Variants in DCAF8L2 observed in about 807,000 individuals in gnomAD.
DCAF8L2 encodes DDB1- and CUL4-associated factor 8-like protein 2.
For synonymous variants in DCAF8L2, 200 were observed against 190.9 expected, an observed-to-expected ratio of 1.05 and a Z score of -0.39; for missense variants, 430 against 490.7, an observed-to-expected ratio of 0.88 and a Z score of 1.17.
At chrX:27,682,780 G>GA (rs11329822) in intron 3 of DCAF8L2, among the ~76,000 whole-genome samples, 26 of 106,143 alleles carry the variant, frequency 2.4e-4, no homozygotes, top group South Asian at 8.1e-4. Flanking sequence ...TATTTCTCAA[G>GA]AAAAAAAAAA....
At chrX:27,676,247 C>T (rs1392121748) in intron 2 of DCAF8L2, among the ~76,000 whole-genome samples, 1 of 110,977 alleles carries the variant, frequency 9.0e-6, no homozygotes, top group Admixed American at 9.7e-5. Flanking sequence ...GCAGGGAAAT[C>T]CAAATATTTC....
the DCAF8L2 span, among the ~76,000 whole-genome samples, chrX:27,513,698 A>T: frequency 3.2e-5 from 3 of 94,808 alleles, no homozygotes; most frequent in East Asian, 1.1e-3. Context: ...AGCAAGACTC[A>T]GTCTCAAAAA....
chrX:27,587,540 T>C (rs1459163655), upstream of DCAF8L2, among the ~76,000 whole-genome samples: 1 of 111,811 alleles, frequency 8.9e-6, no homozygotes, highest in Non-Finnish European at 1.9e-5. Flanking sequence ...TGAAATGTTA[T>C]AGTTAAAATG....
the DCAF8L2 span, among the ~76,000 whole-genome samples, chrX:27,499,643 G>A: frequency 1.8e-5 from 2 of 111,246 alleles, no homozygotes; most frequent in African/African-American, 6.5e-5. Flanking sequence ...GGAAGCAAGC[G>A]CCTTCTTCAC....
intron 4 of DCAF8L2, among the ~76,000 whole-genome samples, chrX:27,719,066 G>C (rs955240556): frequency 3.6e-5 from 4 of 111,036 alleles, no homozygotes; most frequent in Non-Finnish European, 5.7e-5. Context: ...ATTTATCTTG[G>C]GCAAACATCT....
At chrX:27,608,675 T>C (rs1569158598) in intron 1 of DCAF8L2, among the ~76,000 whole-genome samples, 1 of 110,546 alleles carries the variant, frequency 9.0e-6, no homozygotes, top group Non-Finnish European at 1.9e-5. Flanking sequence ...CTCTATCTTC[T>C]TCAGTCTTAT....
At chrX:27,527,917 G>T in the DCAF8L2 span, among the ~76,000 whole-genome samples, 1 of 105,345 alleles carries the variant, frequency 9.5e-6, no homozygotes, top group Non-Finnish European at 2.0e-5. Context: ...CTCCCAAAGT[G>T]CTGGGATTAC....
At chrX:27,676,060 AAG>A (rs1341434782) in intron 2 of DCAF8L2, among the ~76,000 whole-genome samples, 1 of 111,849 alleles carries the variant, frequency 8.9e-6, no homozygotes, top group Non-Finnish European at 1.9e-5. Flanking sequence ...GCCAACATGA[AAG>A]AGAGTCACAG....
the DCAF8L2 span, among the ~76,000 whole-genome samples, chrX:27,510,179 C>A: frequency 9.1e-6 from 1 of 109,547 alleles, no homozygotes; most frequent in African/African-American, 3.4e-5. Context: ...AAAATATGCT[C>A]TAGGCTTTTC....
At chrX:27,730,781 C>G (rs1294816416) in intron 4 of DCAF8L2, among the ~76,000 whole-genome samples, 1 of 109,262 alleles carries the variant, frequency 9.2e-6, no homozygotes, top group Non-Finnish European at 1.9e-5. Context: ...AGCTGTGAAA[C>G]AGATCACAAC....
chrX:27,577,091 T>C, the DCAF8L2 span, among the ~76,000 whole-genome samples: 1 of 112,073 alleles, frequency 8.9e-6, no homozygotes, highest in Non-Finnish European at 1.9e-5. Context: ...TCCCAGGATA[T>C]TTCAGGGTAA....
At chrX:27,566,775 G>A in the DCAF8L2 span, among the ~76,000 whole-genome samples, 2 of 109,740 alleles carry the variant, frequency 1.8e-5, no homozygotes, top group Non-Finnish European at 3.8e-5. Context: ...TTGGACTTAG[G>A]TTGTTTTTCT....
chrX:27,747,462 C>T lies in DCAF8L2; in HGVS notation c.567C>T (p.Val189=), dbSNP rs751230668. 1 of 1,175,382 alleles carries T rather than the reference C, an allele frequency of 8.5e-7. No individual in the cohort carries two copies. Among genetic ancestry groups the T allele is most frequent in the Non-Finnish European group, 1.1e-6 (1 of 876,960 alleles). ...CCCTGCCCCGACCTCGCTGGCAGGT[C>T]GTTACTGCTCTTCACCAGCGGCAGC... ...TSALPRPRWQ[V]VTALHQRQLG... is the part of the protein sequence containing the mutation. The change falls in exon 5 of 5, where the codon GTC becomes GTT. Residue 189 remains valine (V), a synonymous_variant. Coordinates refer to ENST00000451261, the MANE Select transcript of DCAF8L2 (RefSeq NM_001353450.2).
At chrX:27,525,621 T>C in the DCAF8L2 span, among the ~76,000 whole-genome samples, 4 of 111,854 alleles carry the variant, frequency 3.6e-5, no homozygotes, top group Non-Finnish European at 7.5e-5. Flanking sequence ...TTCTTCCTAG[T>C]GTCAATGGTC....
At chrX:27,591,307 T>A (rs1441358911) in intron 1 of DCAF8L2, among the ~76,000 whole-genome samples, 1 of 110,602 alleles carries the variant, frequency 9.0e-6, no homozygotes, top group Non-Finnish European at 1.9e-5. Flanking sequence ...AGCTACCCAA[T>A]CCCATAAATG....
intron 4 of DCAF8L2, among the ~76,000 whole-genome samples, chrX:27,720,742 A>G (rs1024889158): frequency 1.8e-5 from 2 of 111,933 alleles, no homozygotes; most frequent in African/African-American, 6.5e-5. Flanking sequence ...TTAAATCTAT[A>G]GATCAATTTG....
At chrX:27,702,981 A>G (rs1156646587) in intron 3 of DCAF8L2, among the ~76,000 whole-genome samples, 4 of 111,843 alleles carry the variant, frequency 3.6e-5, no homozygotes, top group Non-Finnish European at 7.5e-5. Flanking sequence ...AGGAACTAAT[A>G]GACAAGTTCA....
the DCAF8L2 span, among the ~76,000 whole-genome samples, chrX:27,488,395 T>C: frequency 8.9e-6 from 1 of 111,825 alleles, no homozygotes; most frequent in East Asian, 2.8e-4. Context: ...AGACAAGCCA[T>C]TTATTTGACA....
chrX:27,684,558 C>T (rs779369534), intron 3 of DCAF8L2, among the ~76,000 whole-genome samples: 354 of 111,322 alleles, frequency 3.2e-3, no homozygotes, highest in African/African-American at 0.011. Context: ...TACAACTTCC[C>T]TAATGAATAT....
Sources: gnomAD v4.1 joint callset for allele counts (sites outside exome capture counted in the v4.1 genomes callset) on GRCh38, gnomAD v4.1.1 for gene constraint, MANE v1.5 for transcripts, NCBI Gene and HGNC (gene_info 2026-07-23, HGNC 2026-07-21) for gene names.